The following ACTG2 variants were observed in gnomAD, a reference collection of about 807,000 sequenced individuals.
ACTG2 encodes the protein actin gamma 2, smooth muscle, also known as actin, gamma-enteric smooth muscle.
A neutral mutation model predicts 37.6 loss-of-function variants in ACTG2; 16 were observed. That is an observed-to-expected ratio of 0.43 (90% CI 0.29 to 0.65). The LOEUF is 0.65. Ranked by LOEUF, ACTG2 falls within the 30% of genes least tolerant of loss-of-function variation. The probability of loss-of-function intolerance (pLI) is 0.18; values close to 1 mark genes in which losing one functional copy is unlikely to be tolerated. For synonymous variants in ACTG2, 181 were observed against 179.9 expected (o/e 1.01, Z -0.05); for missense variants, 238 against 490.9 (o/e 0.48, Z 4.87).
chr2:73,896,290 G>A (rs1217351753), intron 1 of ACTG2, among the ~76,000 whole-genome samples: 4 of 150,878 alleles, frequency 2.7e-5, no homozygotes, highest in African/African-American at 9.8e-5. Context: ...AGCCTGCAGT[G>A]AGCTTGATGG....
intron 5 of ACTG2, among the ~76,000 whole-genome samples, chr2:73,912,600 G>C (rs113534898): frequency 3.3e-5 from 5 of 152,250 alleles, no homozygotes; most frequent in African/African-American, 1.2e-4. Context: ...CCATGATTCA[G>C]GTCCTTACAC....
At chr2:73,893,268 C>T (rs1409033167) in intron 1 of ACTG2, among the ~76,000 whole-genome samples, 1 of 152,190 alleles carries the variant, frequency 6.6e-6, no homozygotes, top group Non-Finnish European at 1.5e-5. Context: ...AGCTTGGAAC[C>T]GTGCTCCCTG....
At chr2:73,906,202 A>C (rs1680011730) in intron 3 of ACTG2, among the ~76,000 whole-genome samples, 1 of 152,010 alleles carries the variant, frequency 6.6e-6, no homozygotes, top group Admixed American at 6.6e-5. Context: ...CTGTAATCCC[A>C]GCACTTTGGG....
In ACTG2 at chr2:73,913,472, T is replaced by G. The variant is rs1319535972; in HGVS notation, c.452-13T>G. 1 of 1,587,244 alleles carries G rather than the reference T, an allele frequency of 6.3e-7. No homozygotes were observed. The highest frequency in any genetic ancestry group is 2.3e-5 in the East Asian group (1 of 44,046). On this transcript the variant is annotated splice_polypyrimidine_tract_variant and intron_variant, in intron 5 of 8. Coordinates refer to ENST00000345517, the MANE Select transcript of ACTG2 (RefSeq NM_001615.4). ...AATGAGAATTTTATAAGCCTGATCC[T>G]CTCTGTCCACAGGCATCGTCCTGGA...
intron 3 of ACTG2, chr2:73,908,259 C>T (rs1416343781): frequency 2.1e-6 from 1 of 470,820 alleles, no homozygotes; most frequent in African/African-American, 2.0e-5. Flanking sequence ...AGGAGATAGA[C>T]CCTGACTTCT....
intron 3 of ACTG2, among the ~76,000 whole-genome samples, chr2:73,906,323 C>T (rs1477581128): frequency 6.6e-6 from 1 of 151,806 alleles, no homozygotes; most frequent in Non-Finnish European, 1.5e-5. Context: ...TGGTGGTGGG[C>T]ACCCGTAGTC....
chr2:73,900,482 A>G (rs1450408219), intron 1 of ACTG2, among the ~76,000 whole-genome samples: 1 of 152,220 alleles, frequency 6.6e-6, no homozygotes, highest in Non-Finnish European at 1.5e-5. Flanking sequence ...TTTTGCATCC[A>G]TCCCAGTTCG....
At chr2:73,903,771 C>T (rs1679941913) in intron 3 of ACTG2, among the ~76,000 whole-genome samples, 1 of 151,878 alleles carries the variant, frequency 6.6e-6, no homozygotes, top group African/African-American at 2.4e-5. Context: ...GAAACCCCGT[C>T]TCTACTAAAA....
intron 1 of ACTG2, among the ~76,000 whole-genome samples, chr2:73,893,517 G>A (rs1047606092): frequency 1.3e-5 from 2 of 152,224 alleles, no homozygotes; most frequent in South Asian, 4.1e-4. Flanking sequence ...CTGGGAATGG[G>A]AGGGTATTTT....
intron 2 of ACTG2, 66 bp downstream of exon 2, chr2:73,901,503 C>T (rs780047231): frequency 8.4e-5 from 121 of 1,439,616 alleles, no homozygotes; most frequent in Non-Finnish European, 1.1e-4. Context: ...CTGTGGAGAC[C>T]CTGCTGAGCT....
chr2:73,914,765 C>A lies in ACTG2; in HGVS notation c.699C>A (p.Ser233=), dbSNP rs1680223851. ...DFENEMATAA[S]SSSLEKSYEL... ...AGAATGAGATGGCCACAGCAGCTTC[C>A]TCTTCCTCCCTGGAGAAGAGCTATG... Residue 233 remains serine, a synonymous_variant, in exon 7 of 9, where the codon TCC becomes TCA. Coordinates refer to ENST00000345517, the MANE Select transcript of ACTG2 (RefSeq NM_001615.4). 6.2e-7 allele frequency: 1 copy of A among 1,612,644 alleles called. No homozygotes were observed. The highest frequency in any genetic ancestry group is 8.5e-7 in the Non-Finnish European group (1 of 1,179,210).
intron 1 of ACTG2, among the ~76,000 whole-genome samples, chr2:73,896,332 T>G (rs1014764635): frequency 7.8e-6 from 1 of 128,802 alleles, no homozygotes; most frequent in African/African-American, 3.1e-5. Context: ...GGTGACAGAG[T>G]GAGGCCCAGT....
Position 73,915,192 on chromosome 2 carries a change from A to G in ACTG2, c.805+321A>G, listed in dbSNP as rs77727676. Among the ~76,000 whole-genome samples the G allele has an allele frequency of 3.5e-3, 533 of 151,708 alleles. 1 individual carries two copies. Among genetic ancestry groups the G allele is most frequent in the African/African-American group, 0.01 (428 of 41,024 alleles). On this transcript the variant is annotated intron_variant, in intron 7 of 8. Coordinates refer to ENST00000345517, the MANE Select transcript of ACTG2 (RefSeq NM_001615.4). ...GGTTGTAGTTTAGCAAGATTCTTCT[A>G]TCTACAGTGTGGAATCATATTGCAT... is the stretch of plus-strand genomic sequence containing the variant.
intron 8 of ACTG2, among the ~76,000 whole-genome samples, chr2:73,919,043 G>A (rs566740217): frequency 3.3e-4 from 51 of 152,324 alleles, no homozygotes; most frequent in African/African-American, 1.2e-3. Context: ...GCCAGCTCAG[G>A]TCAAGTCCAT....
chr2:73,913,962 G>A (rs1680198341), intron 6 of ACTG2, among the ~76,000 whole-genome samples: 1 of 152,168 alleles, frequency 6.6e-6, no homozygotes, highest in African/African-American at 2.4e-5. Context: ...AGGACAAATT[G>A]AATAAGTGAG....
chr2:73,894,272 G>A (rs1679694433), intron 1 of ACTG2, among the ~76,000 whole-genome samples: 1 of 152,156 alleles, frequency 6.6e-6, no homozygotes, highest in Non-Finnish European at 1.5e-5. Flanking sequence ...ACTTTGTACA[G>A]GGAGGCTCTA....
At chr2:73,895,575 C>T (rs1364663506) in intron 1 of ACTG2, among the ~76,000 whole-genome samples, 2 of 152,170 alleles carry the variant, frequency 1.3e-5, no homozygotes, top group Non-Finnish European at 2.9e-5. Flanking sequence ...AAAAACCTGT[C>T]GCCAACTATT....
intron 5 of ACTG2, among the ~76,000 whole-genome samples, chr2:73,911,274 T>C (rs1169144253): frequency 6.6e-6 from 1 of 152,088 alleles, no homozygotes; most frequent in Non-Finnish European, 1.5e-5. Context: ...TGGGTGGATC[T>C]CTTTGAGCTC....
In ACTG2 at chr2:73,919,747, G is replaced by C; in HGVS notation, c.*172G>C. On this transcript the variant is annotated 3_prime_UTR_variant, in exon 9 of 9. Coordinates refer to ENST00000345517, the MANE Select transcript of ACTG2 (RefSeq NM_001615.4). ...TACTTTTAATCCATGCAATAGTGCT[G>C]TAAGGTAGGTGCTATCATTATACCC... The C allele has an allele frequency of 1.6e-6, 1 of 624,050 alleles. No individual in the cohort carries two copies. Among genetic ancestry groups the C allele is most frequent in the East Asian group, 3.0e-5 (1 of 33,310 alleles). The allele number at this position is 624,050 out of a possible 1,614,324, so 38.7% of individuals were successfully genotyped here.
Sources: allele counts gnomAD v4.1 joint callset (sites outside exome capture counted in the v4.1 genomes callset), GRCh38; gene constraint gnomAD v4.1.1; transcripts MANE v1.5; gene names NCBI Gene and HGNC (gene_info 2026-07-23, HGNC 2026-07-21).